DLD: variants seen among roughly 807,000 people sequenced by gnomAD.
DLD encodes dihydrolipoamide dehydrogenase.
A neutral mutation model predicts 62.2 loss-of-function variants in DLD; 36 were observed. The ratio of observed to expected loss-of-function variants is 0.58; its 90% confidence interval spans 0.44 to 0.76. The LOEUF is 0.76. Among genes scored for constraint, DLD ranks in the 30% least tolerant of loss-of-function variants. DLD has a pLI of 0.00. For synonymous variants in DLD, 204 were observed against 199.6 expected, an observed-to-expected ratio of 1.02 and a Z score of -0.19; for missense variants, 541 against 608.6, an observed-to-expected ratio of 0.89 and a Z score of 1.17.
intron 8 of DLD, among the ~76,000 whole-genome samples, chr7:107,914,678 T>C (rs187218564): frequency 2.1e-3 from 313 of 152,292 alleles, no homozygotes; most frequent in African/African-American, 5.4e-3. Flanking sequence ...ACTTTTATAG[T>C]TCATTTGAAT....
At chr7:107,911,759 T>C (rs12672209) in intron 8 of DLD, among the ~76,000 whole-genome samples, 2 of 152,268 alleles carry the variant, frequency 1.3e-5, no homozygotes, top group African/African-American at 2.4e-5. Flanking sequence ...GTACATGTGA[T>C]AATTTGATAT....
intron 8 of DLD, among the ~76,000 whole-genome samples, chr7:107,911,700 T>TC (rs1189917005): frequency 6.6e-6 from 1 of 151,988 alleles, no homozygotes; most frequent in Non-Finnish European, 1.5e-5. Context: ...GGTTTTTTTT[T>TC]CTATTTTTAT....
rs1254785660 is a variant in DLD, at chr7:107,920,356, T to A, written c.*1097T>A. ...AACTAAATTTAAGAATAATTCAGAT[T>A]AAGTAGTTCTGAAATTTGGTATAGA... On this transcript the variant is annotated 3_prime_UTR_variant, in exon 14 of 14. Coordinates refer to ENST00000205402, the MANE Select transcript of DLD (RefSeq NM_000108.5). 1.3e-5 allele frequency: 2 copies of A among 152,356 alleles called. No individual in the cohort carries two copies. The highest frequency in any genetic ancestry group is 2.9e-5 in the Non-Finnish European group (2 of 68,050). 9.4% of individuals were successfully genotyped at this position (152,356 alleles called of 1,614,324 possible).
At chr7:107,901,864 A>T (rs781601153) in intron 3 of DLD, 47 bp downstream of exon 3, 1 of 1,487,708 alleles carries the variant, frequency 6.7e-7, no homozygotes, top group South Asian at 1.1e-5. Context: ...TAATTTGGGA[A>T]GGGTTGATCA....
intron 2 of DLD, among the ~76,000 whole-genome samples, chr7:107,897,070 G>A (rs1435154657): frequency 1.3e-5 from 2 of 152,026 alleles, no homozygotes; most frequent in African/African-American, 4.8e-5. Flanking sequence ...CCTGACCTCA[G>A]GGGATCCACC....
intron 8 of DLD, 72 bp from the exon 9 acceptor site, chr7:107,915,434 T>A: frequency 1.3e-6 from 2 of 1,501,488 alleles, no homozygotes; most frequent in Non-Finnish European, 1.8e-6. Flanking sequence ...TACAATAAAT[T>A]ATTAAGATGA....
chr7:107,907,867 T>C (rs752341324), intron 8 of DLD, among the ~76,000 whole-genome samples: 45 of 152,236 alleles, frequency 3.0e-4, no homozygotes, highest in Non-Finnish European at 4.1e-4. Flanking sequence ...AAAAGAGTTG[T>C]CCATGCTTTA....
chr7:107,894,140 AT>A (rs2031659885), intron 2 of DLD, among the ~76,000 whole-genome samples: 1 of 152,180 alleles, frequency 6.6e-6, no homozygotes, highest in Admixed American at 6.5e-5. Context: ...TTTTTTAAGT[AT>A]TTAAAACAGA....
intron 8 of DLD, among the ~76,000 whole-genome samples, chr7:107,909,089 C>G (rs10242084): frequency 1.3e-5 from 2 of 152,158 alleles, no homozygotes; most frequent in Non-Finnish European, 2.9e-5. Context: ...GCTTTGAAAT[C>G]AGTTTAGTTG....
chr7:107,895,510 C>T (rs2031697847), intron 2 of DLD, among the ~76,000 whole-genome samples: 1 of 152,094 alleles, frequency 6.6e-6, no homozygotes, highest in Non-Finnish European at 1.5e-5. Context: ...ATATCACTCA[C>T]ATTCACTACA....
chr7:107,904,751 A>G, intron 5 of DLD: 1 of 640,808 alleles, frequency 1.6e-6, no homozygotes, highest in Non-Finnish European at 2.9e-6. Context: ...CCCAAGGTAG[A>G]CATTTTATAG....
intron 5 of DLD, chr7:107,904,532 T>G: frequency 2.7e-6 from 1 of 367,190 alleles, no homozygotes; most frequent in Admixed American, 3.8e-5. Context: ...CTTTTTAATG[T>G]TAAGCTTCTG....
At chr7:107,892,738 G>C (rs1370127193) in intron 1 of DLD, among the ~76,000 whole-genome samples, 5 of 152,000 alleles carry the variant, frequency 3.3e-5, no homozygotes, top group Admixed American at 6.6e-5. Context: ...AGTAGAGTCG[G>C]GGCTTCACTA....
intron 2 of DLD, among the ~76,000 whole-genome samples, chr7:107,897,626 T>C (rs1373320942): frequency 6.8e-6 from 1 of 146,320 alleles, no homozygotes; most frequent in Non-Finnish European, 1.5e-5. Context: ...TCATGCAAGC[T>C]GGGGTGCAAT....
intron 8 of DLD, among the ~76,000 whole-genome samples, chr7:107,914,267 A>G (rs2032212171): frequency 6.6e-6 from 1 of 152,086 alleles, no homozygotes; most frequent in Non-Finnish European, 1.5e-5. Context: ...AATTCTTTAT[A>G]TATTCTGGAT....
chr7:107,915,384 GC>G, intron 8 of DLD, 121 bp from the exon 9 acceptor site: 1 of 1,010,116 alleles, frequency 9.9e-7, no homozygotes, highest in Non-Finnish European at 1.5e-6. Context: ...AAACCTCGGA[GC>G]TTCTCATAGG....
rs1358063208 is a variant in DLD, at chr7:107,917,441, A to G, written c.1215A>G (p.Ser405=). ...CTGAAGTTGCTTGGGTTGGCAAATC[A>G]GAAGAGCAGTTGAAAGAAGAGGTAA... ...THPEVAWVGK[S]EEQLKEEGIE... The change falls in exon 11 of 14, where the codon TCA becomes TCG. Residue 405 remains serine (S), a synonymous_variant. Coordinates refer to ENST00000205402, the MANE Select transcript of DLD (RefSeq NM_000108.5). 6.2e-7 allele frequency: 1 copy of G among 1,614,186 alleles called. No individual in the cohort carries two copies. The highest frequency in any genetic ancestry group is 2.2e-5 in the East Asian group (1 of 44,888).
At position 107,916,753 on chromosome 7, in the gene DLD, G is replaced by A. The variant is rs770996028; in HGVS notation, c.876-41G>A. The A allele has an allele frequency of 1.1e-5, 17 of 1,567,190 alleles. No individual in the cohort carries two copies. In the African/African-American group the frequency reaches 2.0e-4, roughly 19 times the overall value. ...TAAATTTCTAAGCCTATCAATTTAT[G>A]TAGGTGTGTATTTAACATTTATACA... On this transcript the variant is annotated intron_variant, in intron 9 of 13. Transcript: ENST00000205402.
rs773077477 is a variant in DLD, at chr7:107,904,905, A to G, written c.338-53A>G. On this transcript the variant is annotated intron_variant, in intron 5 of 13. Transcript: ENST00000205402. ...CCAGTTGGTGAGTGAAAAACACTGCATATTGCTTCAAGAATTTAGCTAAGA... is the reference window on the plus strand; with the variant it reads ...CCAGTTGGTGAGTGAAAAACACTGCGTATTGCTTCAAGAATTTAGCTAAGA... 5 of 1,338,090 alleles carry G rather than the reference A, an allele frequency of 3.7e-6. No individual in the cohort carries two copies. The Admixed American group carries it at 6.9e-5, about 18-fold the overall frequency. 82.9% of individuals were successfully genotyped at this position (1,338,090 alleles called of 1,614,324 possible).
Sources: allele counts gnomAD v4.1 joint callset (sites outside exome capture counted in the v4.1 genomes callset), GRCh38; gene constraint gnomAD v4.1.1; transcripts MANE v1.5; gene names NCBI Gene and HGNC (gene_info 2026-07-23, HGNC 2026-07-21).